TMEM273: variants seen among roughly 807,000 people sequenced by gnomAD.
The protein encoded by TMEM273 is transmembrane protein 273, also known as chromosome 10 open reading frame 128.
In TMEM273, 19 loss-of-function variants were observed where a neutral mutation model predicts 17.9. That is an observed-to-expected ratio of 1.06 (90% CI 0.74 to 1.55). The LOEUF (loss-of-function observed/expected upper bound fraction) is 1.55. Ranked by LOEUF, TMEM273 falls within the 40% of genes most tolerant of loss-of-function variation. The pLI, the probability that TMEM273 is intolerant of heterozygous loss-of-function variation, is 0.00. For synonymous variants in TMEM273, 66 were observed against 62.0 expected (o/e 1.07, Z -0.31); for missense variants, 194 against 155.6 (o/e 1.25, Z -1.31).
intron 1 of TMEM273, among the ~76,000 whole-genome samples, chr10:49,181,814 A>G (rs1211517362): frequency 7.2e-6 from 1 of 138,724 alleles, no homozygotes; most frequent in Non-Finnish European, 1.6e-5. Flanking sequence ...TCAAAAGCAC[A>G]GTCCACGAAA....
intron 1 of TMEM273, among the ~76,000 whole-genome samples, chr10:49,187,254 A>T (rs754906881): frequency 6.6e-6 from 1 of 152,076 alleles, no homozygotes; most frequent in East Asian, 1.9e-4. Context: ...GCCCGTTTCC[A>T]TGTGTAAACT....
chr10:49,168,631 G>A (rs930042099), intron 1 of TMEM273, among the ~76,000 whole-genome samples: 1 of 144,792 alleles, frequency 6.9e-6, no homozygotes, highest in Non-Finnish European at 1.5e-5. Context: ...TGGCCCACAG[G>A]AGGCATTAAT....
intron 5 of TMEM273, among the ~76,000 whole-genome samples, 177 bp from the exon 6 acceptor site, chr10:49,161,799 C>T (rs1845859074): frequency 6.6e-6 from 1 of 152,156 alleles, no homozygotes; most frequent in Non-Finnish European, 1.5e-5. Flanking sequence ...AATCCTGCTT[C>T]TCCTCTCTGA....
At chr10:49,186,112 A>AAGC (rs1451727083) in intron 1 of TMEM273, among the ~76,000 whole-genome samples, 6 of 146,834 alleles carry the variant, frequency 4.1e-5, no homozygotes. Context: ...GAAGAAGAGG[A>AAGC]AGAAGAAGAA....
At chr10:49,159,732 T>TGA (rs1845723651) in intron 6 of TMEM273, among the ~76,000 whole-genome samples, 1 of 96,194 alleles carries the variant, frequency 1.0e-5, no homozygotes, top group Non-Finnish European at 2.4e-5. Context: ...ACAGAGAGAG[T>TGA]GAGAGAGAGA....
chr10:49,157,236 T>C (rs1367811983), intron 6 of TMEM273, among the ~76,000 whole-genome samples: 1 of 152,206 alleles, frequency 6.6e-6, no homozygotes, highest in Non-Finnish European at 1.5e-5. Flanking sequence ...TGGATGAAGT[T>C]GTTCTCTGAC....
At chr10:49,185,717 G>A (rs1029325990) in intron 1 of TMEM273, among the ~76,000 whole-genome samples, 2 of 152,060 alleles carry the variant, frequency 1.3e-5, no homozygotes, top group Non-Finnish European at 2.9e-5. Context: ...GGTGGCTCAC[G>A]CCTGTAATCC....
At position 49,155,625 on chromosome 10, in the gene TMEM273, T is replaced by G. The variant is rs1054389742; in HGVS notation, c.*267A>C. 1 of 561,782 alleles carries G rather than the reference T, an allele frequency of 1.8e-6. No homozygotes were observed. Among genetic ancestry groups the G allele is most frequent in the African/African-American group, 1.9e-5 (1 of 52,952 alleles). 34.8% of individuals were successfully genotyped at this position (561,782 alleles called of 1,614,324 possible). On this transcript the variant is annotated 3_prime_UTR_variant, in exon 7 of 7. Coordinates refer to ENST00000374153, the MANE Select transcript of TMEM273 (RefSeq NM_001288740.3). ...GAACAGCTCCAACACAGGGTGAAGC[T>G]TTTGGTGTCCACCTTCTTCCACTGC...
chr10:49,166,245 G>A (rs185834207), intron 3 of TMEM273, among the ~76,000 whole-genome samples: 1 of 152,266 alleles, frequency 6.6e-6, no homozygotes, highest in Non-Finnish European at 1.5e-5. Context: ...GAGAAGGGAT[G>A]CAAATCAATA....
At chr10:49,169,846 T>A (rs1351900703) in intron 1 of TMEM273, among the ~76,000 whole-genome samples, 2 of 152,232 alleles carry the variant, frequency 1.3e-5, no homozygotes, top group Non-Finnish European at 2.9e-5. Flanking sequence ...CAGAGCTGTG[T>A]GTGCTACGTC....
chr10:49,159,137 G>A (rs1845689747), intron 6 of TMEM273, among the ~76,000 whole-genome samples: 1 of 151,826 alleles, frequency 6.6e-6, no homozygotes, highest in Admixed American at 6.6e-5. Flanking sequence ...TCTGAATCGT[G>A]TACATGACAC....
chr10:49,174,277 T>C (rs1846795638), intron 1 of TMEM273, among the ~76,000 whole-genome samples: 1 of 152,220 alleles, frequency 6.6e-6, no homozygotes, highest in Non-Finnish European at 1.5e-5. Flanking sequence ...GGCTCACAAA[T>C]GGGTCTGCTT....
intron 5 of TMEM273, among the ~76,000 whole-genome samples, chr10:49,164,159 A>G (rs1488950268): frequency 6.6e-6 from 1 of 152,098 alleles, no homozygotes; most frequent in African/African-American, 2.4e-5. Context: ...TCGGCTCACC[A>G]TGTTCAAAAA....
At chr10:49,164,006 C>T (rs1846009728) in intron 5 of TMEM273, among the ~76,000 whole-genome samples, 1 of 152,156 alleles carries the variant, frequency 6.6e-6, no homozygotes, top group South Asian at 2.1e-4. Flanking sequence ...TTACCCAGTC[C>T]CTGGTCCCAT....
chr10:49,175,304 G>A (rs1214916129), intron 1 of TMEM273, among the ~76,000 whole-genome samples: 1 of 152,136 alleles, frequency 6.6e-6, no homozygotes, highest in East Asian at 1.9e-4. Context: ...TCCCAGAGGT[G>A]GGAGTGCTTG....
At chr10:49,160,386 A>G (rs1845768541) in intron 6 of TMEM273, 1 of 152,230 alleles carries the variant, frequency 6.6e-6, no homozygotes. Context: ...TACTCAGGAG[A>G]AAACGATCAG....
chr10:49,177,710 C>T (rs1049160895), intron 1 of TMEM273, among the ~76,000 whole-genome samples: 1 of 152,338 alleles, frequency 6.6e-6, no homozygotes, highest in East Asian at 1.9e-4. Context: ...AATCAGGGCT[C>T]ATCTGCGGTT....
Position 49,170,711 on chromosome 10 carries a change from C to T in TMEM273, c.44-2749G>A, listed in dbSNP as rs570399153. Among the ~76,000 whole-genome samples, 7 of 152,328 alleles carry T rather than the reference C, an allele frequency of 4.6e-5. No homozygotes were observed. The East Asian group carries it at 1.2e-3, about 25-fold the overall frequency. On this transcript the variant is annotated intron_variant, in intron 1 of 6. Coordinates refer to ENST00000374153, the MANE Select transcript of TMEM273 (RefSeq NM_001288740.3). ...CAGCCCCACAGCCACTCAGTGGCAG[C>T]CTTTCCCCTCCTCAGGGAGGGAAAT...
intron 1 of TMEM273, among the ~76,000 whole-genome samples, chr10:49,183,208 A>C (rs898154291): frequency 6.6e-6 from 1 of 152,200 alleles, no homozygotes; most frequent in African/African-American, 2.4e-5. Context: ...AGATTATATA[A>C]AAGTATTTTG....
Sources: allele counts gnomAD v4.1 joint callset (sites outside exome capture counted in the v4.1 genomes callset), GRCh38; gene constraint gnomAD v4.1.1; transcripts MANE v1.5; gene names NCBI Gene and HGNC (gene_info 2026-07-23, HGNC 2026-07-21).